Variants in CNOT4 observed in about 807,000 individuals in gnomAD.
CNOT4 encodes CCR4-NOT transcription complex subunit 4.
CNOT4 carries 8 observed loss-of-function variants against 73.8 expected under a neutral mutation model. The observed-to-expected ratio is 0.11, with a 90% CI of 0.06 to 0.20. CNOT4 has a LOEUF of 0.20. Among genes scored for constraint, CNOT4 ranks in the 10% least tolerant of loss-of-function variants. CNOT4 has a pLI of 1.00. For synonymous variants in CNOT4, 293 were observed against 321.1 expected, an observed-to-expected ratio of 0.91 and a Z score of 0.94; for missense variants, 564 against 883.4, an observed-to-expected ratio of 0.64 and a Z score of 4.58.
chr7:135,411,056 C>A (rs950407846), intron 6 of CNOT4, among the ~76,000 whole-genome samples: 1 of 151,858 alleles, frequency 6.6e-6, no homozygotes. Flanking sequence ...TGAAAATCAG[C>A]CAAAATTCAT....
In CNOT4 at chr7:135,362,764, T is replaced by C. The variant is rs1410473401; in HGVS notation, c.*121A>G. 4 of 939,548 alleles carry C rather than the reference T, an allele frequency of 4.3e-6. No individual in the cohort carries two copies. The highest frequency in any genetic ancestry group is 7.0e-6 in the Non-Finnish European group (4 of 571,182). 58.2% of individuals were successfully genotyped at this position (939,548 alleles called of 1,614,324 possible). A position where few individuals can be genotyped will look rare whatever the true frequency, so the allele number is the denominator to read the frequency against. ...CATCTGGGGTTAGGGAGAAAAAAAA[T>C]TGATCAGGTACTGGATTCTTCAGAA... On this transcript the variant is annotated 3_prime_UTR_variant, in exon 12 of 12. Transcript: ENST00000541284.
chr7:135,388,397 A>G (rs1310031876), intron 10 of CNOT4: 1 of 983,750 alleles, frequency 1.0e-6, no homozygotes, highest in Admixed American at 6.1e-5. Context: ...TTAATTTGCA[A>G]ATTTTTCAGG....
At chr7:135,429,198 T>C (rs761342685) in intron 2 of CNOT4, among the ~76,000 whole-genome samples, 6 of 152,216 alleles carry the variant, frequency 3.9e-5, no homozygotes, top group Non-Finnish European at 5.9e-5. Context: ...CTTTTGCCCT[T>C]TTAAAATGTG....
Position 135,364,191 on chromosome 7 carries a change from T to C in CNOT4, c.1628-125A>G. On this transcript the variant is annotated intron_variant, in intron 10 of 11. Coordinates refer to ENST00000541284, the MANE Select transcript of CNOT4 (RefSeq NM_001190850.2). The surrounding 1 kb of genome is among the most constrained non-coding windows in gnomAD (Gnocchi z 4.3). ...TTCTTTCTTTATTGAGCATTTAAAATGGGTTGTCCTAGCAAGATAAACTTG... is the reference window on the plus strand; with the variant it reads ...TTCTTTCTTTATTGAGCATTTAAAACGGGTTGTCCTAGCAAGATAAACTTG... The C allele has an allele frequency of 2.6e-6, 2 of 778,778 alleles. No individual in the cohort carries two copies. The highest frequency in any genetic ancestry group is 3.7e-5 in the South Asian group (2 of 54,706). The allele number at this position is 778,778 out of a possible 1,614,324, so 48.2% of individuals were successfully genotyped here.
chr7:135,434,980 C>T (rs1379298598), intron 2 of CNOT4, among the ~76,000 whole-genome samples: 1 of 152,146 alleles, frequency 6.6e-6, no homozygotes, highest in African/African-American at 2.4e-5. Context: ...TATGCCTTTA[C>T]ATATTAATAA....
chr7:135,415,103 A>C (rs1585608373), intron 4 of CNOT4, 73 bp downstream of exon 4: 5 of 863,784 alleles, frequency 5.8e-6, no homozygotes, highest in Non-Finnish European at 1.9e-6. Context: ...GAGAGAGCAA[A>C]GTTTCCTTTG....
intron 7 of CNOT4, among the ~76,000 whole-genome samples, chr7:135,402,121 T>G (rs570256669): frequency 6.6e-6 from 1 of 151,972 alleles, no homozygotes; most frequent in South Asian, 2.1e-4. Context: ...TCTTTTTTTT[T>G]TTTTTTGAGA....
chr7:135,370,416 C>G (rs138097858), intron 10 of CNOT4, among the ~76,000 whole-genome samples: 6 of 152,318 alleles, frequency 3.9e-5, no homozygotes, highest in African/African-American at 1.4e-4. Flanking sequence ...AGAATGCTTT[C>G]TTGTTGTCTT....
intron 1 of CNOT4, among the ~76,000 whole-genome samples, chr7:135,496,489 A>G (rs765347726): frequency 1.3e-5 from 2 of 152,106 alleles, no homozygotes; most frequent in African/African-American, 2.4e-5. Context: ...GTGGTCAGTG[A>G]CCCTCACACC....
chr7:135,424,991 A>C (rs1303790363), intron 2 of CNOT4, among the ~76,000 whole-genome samples: 1 of 152,206 alleles, frequency 6.6e-6, no homozygotes, highest in Non-Finnish European at 1.5e-5. Context: ...AACTGAGATA[A>C]GCGTTCAGAA....
chr7:135,475,477 G>T (rs1801929016), intron 1 of CNOT4, among the ~76,000 whole-genome samples: 1 of 152,082 alleles, frequency 6.6e-6, no homozygotes, highest in South Asian at 2.1e-4. Context: ...TAAAAAAACT[G>T]AATTTGGTAG....
At chr7:135,450,086 G>A (rs1268904222) in intron 1 of CNOT4, among the ~76,000 whole-genome samples, 2 of 152,080 alleles carry the variant, frequency 1.3e-5, no homozygotes, top group South Asian at 2.1e-4. Flanking sequence ...TGGCCAACAC[G>A]TGTAATCCCA....
At chr7:135,451,314 C>A (rs968868411) in intron 1 of CNOT4, among the ~76,000 whole-genome samples, 1 of 152,020 alleles carries the variant, frequency 6.6e-6, no homozygotes, top group African/African-American at 2.4e-5. Flanking sequence ...TGTTTTTGTT[C>A]GAGAGATTCT....
intron 1 of CNOT4, among the ~76,000 whole-genome samples, chr7:135,443,578 C>T (rs1799624152): frequency 6.6e-6 from 1 of 151,990 alleles, no homozygotes; most frequent in Admixed American, 6.6e-5. Flanking sequence ...AGTGCAAATG[C>T]CCAAAGAATA....
At chr7:135,503,957 A>G (rs929949946) in intron 1 of CNOT4, among the ~76,000 whole-genome samples, 4 of 152,200 alleles carry the variant, frequency 2.6e-5, no homozygotes, top group Admixed American at 2.0e-4. Flanking sequence ...ATAAAGGGGA[A>G]AAAAGGAAAA....
At chr7:135,445,113 A>T (rs1799740649) in intron 1 of CNOT4, among the ~76,000 whole-genome samples, 1 of 152,234 alleles carries the variant, frequency 6.6e-6, no homozygotes, top group African/African-American at 2.4e-5. Flanking sequence ...GAGGAACTAT[A>T]TCTAAGAAAT....
At chr7:135,482,986 C>CAAA (rs36125617) in intron 1 of CNOT4, among the ~76,000 whole-genome samples, 680 of 43,228 alleles carry the variant, frequency 0.016, 22 homozygotes, top group African/African-American at 0.057. Flanking sequence ...GACTCCATAT[C>CAAA]AAAAAAAAAA....
intron 3 of CNOT4, among the ~76,000 whole-genome samples, chr7:135,421,848 CAT>C (rs1299159273): frequency 1.3e-5 from 2 of 152,188 alleles, no homozygotes; most frequent in African/African-American, 2.4e-5. Flanking sequence ...ATTCATATCA[CAT>C]GTTAGCCTTA....
intron 1 of CNOT4, among the ~76,000 whole-genome samples, chr7:135,503,205 C>T (rs773952445): frequency 3.4e-4 from 51 of 152,136 alleles, no homozygotes; most frequent in Non-Finnish European, 6.0e-4. Context: ...TGGCTCACAC[C>T]TGCAATCCCA....
Sources: allele counts gnomAD v4.1 joint callset (sites outside exome capture counted in the v4.1 genomes callset), GRCh38; gene constraint gnomAD v4.1.1; non-coding constraint Gnocchi (gnomAD v3.1); transcripts MANE v1.5; gene names NCBI Gene and HGNC (gene_info 2026-07-23, HGNC 2026-07-21).